The following KCNQ5 variants were observed in gnomAD, a reference collection of about 807,000 sequenced individuals.
KCNQ5 encodes the protein potassium voltage-gated channel subfamily KQT member 5.
In KCNQ5, 30 loss-of-function variants were observed where a neutral mutation model predicts 98.2. That is an observed-to-expected ratio of 0.31 (90% CI 0.23 to 0.41). The LOEUF (loss-of-function observed/expected upper bound fraction) is 0.41. KCNQ5 is among the 10% of genes least tolerant of loss of function. The probability of loss-of-function intolerance (pLI) is 1.00; values close to 1 mark genes in which losing one functional copy is unlikely to be tolerated. For synonymous variants in KCNQ5, 458 were observed against 449.4 expected, an observed-to-expected ratio of 1.02 and a Z score of -0.24; for missense variants, 835 against 1,182.5, an observed-to-expected ratio of 0.71 and a Z score of 4.31.
chr6:72,880,789 A>G (rs754747906), intron 1 of KCNQ5, among the ~76,000 whole-genome samples: 9 of 152,122 alleles, frequency 5.9e-5, no homozygotes, highest in Non-Finnish European at 1.0e-4. Context: ...ACTAGGTTTT[A>G]TATTATCTTG....
At chr6:72,960,270 T>C (rs1391662616) in intron 1 of KCNQ5, among the ~76,000 whole-genome samples, 1 of 152,212 alleles carries the variant, frequency 6.6e-6, no homozygotes, top group Non-Finnish European at 1.5e-5. Context: ...AACTTTACAC[T>C]GCCCATGATG....
chr6:73,168,722 AG>A (rs1777898305), intron 10 of KCNQ5, among the ~76,000 whole-genome samples: 1 of 151,966 alleles, frequency 6.6e-6, no homozygotes, highest in Non-Finnish European at 1.5e-5. Flanking sequence ...AAAAAAAAAA[AG>A]GTATTTGGAG....
At chr6:73,036,232 A>G (rs1446563145) in intron 2 of KCNQ5, among the ~76,000 whole-genome samples, 1 of 151,646 alleles carries the variant, frequency 6.6e-6, no homozygotes, top group Non-Finnish European at 1.5e-5. Context: ...TAAAAATGCA[A>G]AAAATTAGCT....
chr6:72,871,164 C>G (rs1778189679), intron 1 of KCNQ5, among the ~76,000 whole-genome samples: 1 of 152,140 alleles, frequency 6.6e-6, no homozygotes, highest in Non-Finnish European at 1.5e-5. Flanking sequence ...GAGAAAAGAA[C>G]AAGCATCCTC....
chr6:72,903,426 G>A (rs538642755), intron 1 of KCNQ5, among the ~76,000 whole-genome samples: 17 of 152,252 alleles, frequency 1.1e-4, no homozygotes, highest in Admixed American at 3.3e-4. Flanking sequence ...ACGTTAGATT[G>A]TCAGTTTGTG....
chr6:72,979,788 C>G lies in KCNQ5; in HGVS notation c.399-24120C>G, dbSNP rs966727027. On this transcript the variant is annotated intron_variant, in intron 1 of 13. Coordinates refer to ENST00000370398, the MANE Select transcript of KCNQ5 (RefSeq NM_019842.4). ...TGAATGGTAATGCCTAGGTTTTCTTCTAGGGTTTTTATGGTTTTAGGTCTA... is the reference window on the plus strand; with the variant it reads ...TGAATGGTAATGCCTAGGTTTTCTTGTAGGGTTTTTATGGTTTTAGGTCTA... 2.2e-4 allele frequency among the ~76,000 whole-genome samples: 33 copies of G among 152,142 alleles called. 1 individual carries two copies. Among genetic ancestry groups the G allele is most frequent in the Admixed American group, 1.9e-3 (29 of 15,266 alleles).
At chr6:72,909,063 G>T (rs1779815838) in intron 1 of KCNQ5, among the ~76,000 whole-genome samples, 1 of 151,944 alleles carries the variant, frequency 6.6e-6, no homozygotes, top group African/African-American at 2.4e-5. Context: ...TCCTAACACA[G>T]ACCTTACTTT....
At chr6:73,162,918 G>C (rs1198120232) in intron 10 of KCNQ5, among the ~76,000 whole-genome samples, 2 of 152,172 alleles carry the variant, frequency 1.3e-5, no homozygotes, top group Admixed American at 1.3e-4. Flanking sequence ...ATCCTCATCT[G>C]AGTGAGTGTG....
intron 1 of KCNQ5, chr6:72,630,708 A>G (rs564048932): frequency 8.5e-5 from 13 of 152,318 alleles, no homozygotes; most frequent in African/African-American, 3.1e-4. Flanking sequence ...TGTTTAATAT[A>G]TACATATTAA....
At chr6:72,921,966 A>G (rs1332276892) in intron 1 of KCNQ5, among the ~76,000 whole-genome samples, 1 of 152,228 alleles carries the variant, frequency 6.6e-6, no homozygotes, top group Non-Finnish European at 1.5e-5. Flanking sequence ...TTCTTGATAC[A>G]GTTAATGAAT....
intron 1 of KCNQ5, among the ~76,000 whole-genome samples, chr6:72,715,843 T>C (rs985802985): frequency 1.3e-5 from 2 of 152,162 alleles, no homozygotes; most frequent in East Asian, 1.9e-4. Flanking sequence ...ATAATCTCCA[T>C]TTTTCATCTT....
chr6:72,782,059 A>C (rs1295230338), intron 1 of KCNQ5, among the ~76,000 whole-genome samples: 2 of 120,920 alleles, frequency 1.7e-5, no homozygotes, highest in Non-Finnish European at 3.5e-5. Flanking sequence ...ATCATTTTTC[A>C]CTTTTGCTGC....
intron 1 of KCNQ5, among the ~76,000 whole-genome samples, chr6:72,890,193 A>G (rs1024815593): frequency 2.2e-5 from 3 of 137,714 alleles, no homozygotes; most frequent in Non-Finnish European, 4.5e-5. Context: ...ACATATGTAC[A>G]TATTTGTGAT....
chr6:72,748,244 G>T (rs1771502122), intron 1 of KCNQ5, among the ~76,000 whole-genome samples: 1 of 152,048 alleles, frequency 6.6e-6, no homozygotes, highest in Non-Finnish European at 1.5e-5. Context: ...AAAAACTAGA[G>T]AAAGAGATGG....
chr6:73,098,802 C>T (rs903400256), intron 5 of KCNQ5, among the ~76,000 whole-genome samples: 17 of 152,040 alleles, frequency 1.1e-4, no homozygotes, highest in Admixed American at 6.6e-5. Flanking sequence ...AACTAAAAAC[C>T]ATCTAAGGGT....
chr6:72,731,690 C>T (rs144685385), intron 1 of KCNQ5, among the ~76,000 whole-genome samples: 1 of 152,190 alleles, frequency 6.6e-6, no homozygotes, highest in Non-Finnish European at 1.5e-5. Flanking sequence ...TCTTCTAATA[C>T]TTTCCAAGAA....
chr6:72,903,945 A>T (rs547354080), intron 1 of KCNQ5, among the ~76,000 whole-genome samples: 13 of 152,240 alleles, frequency 8.5e-5, no homozygotes, highest in African/African-American at 2.9e-4. Context: ...GTCTCCCACT[A>T]TTACTGTGTT....
At chr6:72,705,186 G>A (rs1393816477) in intron 1 of KCNQ5, among the ~76,000 whole-genome samples, 1 of 152,138 alleles carries the variant, frequency 6.6e-6, no homozygotes, top group Non-Finnish European at 1.5e-5. Flanking sequence ...CCACCATGGG[G>A]CGTACTAAAT....
chr6:73,072,525 A>G (rs1773341828), intron 3 of KCNQ5, among the ~76,000 whole-genome samples: 1 of 152,194 alleles, frequency 6.6e-6, no homozygotes, highest in Admixed American at 6.5e-5. Flanking sequence ...TTGGTATTTC[A>G]GTGACTAACA....
Sources: allele counts gnomAD v4.1 joint callset (sites outside exome capture counted in the v4.1 genomes callset), GRCh38; gene constraint gnomAD v4.1.1; transcripts MANE v1.5; gene names NCBI Gene and HGNC (gene_info 2026-07-23, HGNC 2026-07-21).